Variants in TENM1 observed in about 807,000 individuals in gnomAD.
TENM1 encodes teneurin transmembrane protein 1, also known as teneurin-1.
TENM1 carries 35 observed loss-of-function variants against 174.8 expected under a neutral mutation model. The observed-to-expected ratio is 0.20, with a 90% CI of 0.15 to 0.27. The LOEUF is 0.27. Among genes scored for constraint, TENM1 ranks in the 10% least tolerant of loss-of-function variants. The pLI, the probability that TENM1 is intolerant of heterozygous loss-of-function variation, is 1.00. For synonymous variants in TENM1, 781 were observed against 798.7 expected, an observed-to-expected ratio of 0.98 and a Z score of 0.37; for missense variants, 1,633 against 2,130.1, an observed-to-expected ratio of 0.77 and a Z score of 4.59.
At chrX:124,525,598 TTCTC>T (rs773050057) in intron 16 of TENM1, among the ~76,000 whole-genome samples, 3 of 112,103 alleles carry the variant, frequency 2.7e-5, no homozygotes, top group East Asian at 2.8e-4. Flanking sequence ...CTGGAAATTA[TTCTC>T]TCTCTTTTTA....
At position 124,785,711 on chromosome X, in the gene TENM1, TA is replaced by T. The variant is rs2055019932; in HGVS notation, c.536-48515del. On this transcript the variant is annotated intron_variant, in intron 3 of 31. Transcript: ENST00000422452. ...TCACTTTAGATGCTGTAACAAGTGCTAAACAGAATGGACTTGAAGTAACAGA... is the reference window on the plus strand; with the variant it reads ...TCACTTTAGATGCTGTAACAAGTGCTAACAGAATGGACTTGAAGTAACAGA... Among the ~76,000 whole-genome samples, 10 of 112,229 alleles carry T rather than the reference TA, an allele frequency of 8.9e-5. No individual in the cohort carries two copies. The Admixed American group carries it at 9.4e-4, about 11-fold the overall frequency.
At chrX:124,532,722 A>G (rs758264223) in intron 15 of TENM1, among the ~76,000 whole-genome samples, 6 of 111,692 alleles carry the variant, frequency 5.4e-5, no homozygotes, top group Non-Finnish European at 9.4e-5. Context: ...CTTACAGCAT[A>G]TGATAAAACC....
intron 3 of TENM1, among the ~76,000 whole-genome samples, chrX:124,761,418 T>A (rs2054411157): frequency 1.8e-5 from 2 of 108,373 alleles, no homozygotes; most frequent in Admixed American, 2.0e-4. Context: ...CTGGAAACCA[T>A]CATTCTCAGC....
intron 3 of TENM1, among the ~76,000 whole-genome samples, chrX:124,796,879 T>C (rs1317865419): frequency 9.0e-6 from 1 of 111,725 alleles, no homozygotes. Context: ...AACTGAATTT[T>C]ACCTTGGTGT....
At chrX:124,583,305 T>C (rs1294643400) in intron 11 of TENM1, among the ~76,000 whole-genome samples, 37 of 110,775 alleles carry the variant, frequency 3.3e-4, no homozygotes, top group Non-Finnish European at 4.5e-4. Flanking sequence ...CAGACTGACA[T>C]CTCACACGGC....
intron 3 of TENM1, among the ~76,000 whole-genome samples, chrX:124,743,118 A>G (rs957047690): frequency 1.8e-5 from 2 of 111,834 alleles, no homozygotes; most frequent in Non-Finnish European, 3.8e-5. Context: ...GCTAATATCC[A>G]TTAACTTCAT....
Position 124,645,541 on chromosome X carries a change from T to G in TENM1, c.1682-204A>C, listed in dbSNP as rs369010588. ...AAAGGTAAATTAAAAATATCCTGAG[T>G]GGAGAAATTATTTCAAGTACTTGCA... On this transcript the variant is annotated intron_variant, in intron 9 of 31. Transcript: ENST00000422452. 3.0e-3 allele frequency among the ~76,000 whole-genome samples: 341 copies of G among 111,806 alleles called. 1 individual carries two copies. Among genetic ancestry groups the G allele is most frequent in the African/African-American group, 0.01 (323 of 30,833 alleles).
the TENM1 span, among the ~76,000 whole-genome samples, chrX:125,161,056 A>AC: frequency 7.2e-4 from 78 of 108,100 alleles, 1 homozygote; most frequent in Admixed American, 3.7e-3. Context: ...AAAAAAAAAA[A>AC]AAAAACAAAA....
At chrX:124,439,493 T>C (rs1333154071) in intron 23 of TENM1, among the ~76,000 whole-genome samples, 1 of 71,995 alleles carries the variant, frequency 1.4e-5, no homozygotes, top group Non-Finnish European at 3.4e-5. Context: ...ATTCATTAAG[T>C]GATCTAGACA....
intron 3 of TENM1, among the ~76,000 whole-genome samples, chrX:124,775,136 C>T (rs2054750994): frequency 9.1e-6 from 1 of 109,487 alleles, no homozygotes; most frequent in Non-Finnish European, 1.9e-5. Flanking sequence ...CCATAAACCC[C>T]GTCTCTACTA....
chrX:124,860,257 C>A (rs2056888687), intron 3 of TENM1, among the ~76,000 whole-genome samples: 1 of 112,077 alleles, frequency 8.9e-6, no homozygotes. Flanking sequence ...ACAGCTGAAT[C>A]TCAACTGAGC....
At chrX:124,660,669 G>C (rs894235376) in intron 6 of TENM1, among the ~76,000 whole-genome samples, 1 of 111,797 alleles carries the variant, frequency 8.9e-6, no homozygotes, top group African/African-American at 3.2e-5. Flanking sequence ...AAACCACAAT[G>C]AGATACCATT....
At chrX:124,802,684 C>T (rs2147240722) in intron 3 of TENM1, among the ~76,000 whole-genome samples, 1 of 112,127 alleles carries the variant, frequency 8.9e-6, no homozygotes, top group South Asian at 3.8e-4. Context: ...GATCCACATG[C>T]TGTTATGGTT....
chrX:124,945,930 C>A (rs1438661059), intron 1 of TENM1, among the ~76,000 whole-genome samples: 4 of 111,707 alleles, frequency 3.6e-5, no homozygotes, highest in African/African-American at 1.3e-4. Flanking sequence ...TACAGGGCAC[C>A]CTCTGAAGAG....
intron 14 of TENM1, among the ~76,000 whole-genome samples, chrX:124,552,201 G>C (rs1036581072): frequency 6.3e-5 from 7 of 111,660 alleles, no homozygotes; most frequent in African/African-American, 2.3e-4. Context: ...AAAATGGAAG[G>C]GCTGATCATT....
intron 3 of TENM1, among the ~76,000 whole-genome samples, chrX:124,865,412 T>C (rs941459217): frequency 1.8e-5 from 2 of 112,081 alleles, no homozygotes; most frequent in Non-Finnish European, 3.8e-5. Flanking sequence ...TTCATTTTGC[T>C]TGTGTGTTTA....
intron 1 of TENM1, among the ~76,000 whole-genome samples, chrX:124,941,701 A>C (rs1007291356): frequency 5.4e-5 from 6 of 111,687 alleles, no homozygotes; most frequent in African/African-American, 2.0e-4. Context: ...TTGCTTCCCT[A>C]CCTTCCTTTG....
At chrX:124,413,396 G>T (rs1026732600) in intron 25 of TENM1, among the ~76,000 whole-genome samples, 1 of 111,379 alleles carries the variant, frequency 9.0e-6, no homozygotes, top group African/African-American at 3.3e-5. Context: ...CTCACTCCAT[G>T]TACTTGTTGA....
chrX:124,683,326 A>G (rs1355479380), intron 5 of TENM1, among the ~76,000 whole-genome samples: 1 of 111,951 alleles, frequency 8.9e-6, no homozygotes, highest in Non-Finnish European at 1.9e-5. Flanking sequence ...AGTCTTACTT[A>G]AGGCCAAGAG....
Sources: gnomAD v4.1 joint callset for allele counts (sites outside exome capture counted in the v4.1 genomes callset) on GRCh38, gnomAD v4.1.1 for gene constraint, MANE v1.5 for transcripts, NCBI Gene and HGNC (gene_info 2026-07-23, HGNC 2026-07-21) for gene names.